CENPP: variants seen among roughly 807,000 people sequenced by gnomAD.
The protein encoded by CENPP is centromere protein P.
In CENPP, 24 loss-of-function variants were observed where a neutral mutation model predicts 35.6. That is an observed-to-expected ratio of 0.67 (90% CI 0.49 to 0.95). CENPP has a LOEUF of 0.95. Ranked by LOEUF, CENPP falls within the 40% of genes least tolerant of loss-of-function variation. The pLI is 0.00. For synonymous variants in CENPP, 120 were observed against 125.5 expected, an observed-to-expected ratio of 0.96 and a Z score of 0.29; for missense variants, 332 against 345.3, an observed-to-expected ratio of 0.96 and a Z score of 0.31.
At chr9:92,451,102 T>G (rs1844695355) in intron 5 of CENPP, among the ~76,000 whole-genome samples, 1 of 148,448 alleles carries the variant, frequency 6.7e-6, no homozygotes, top group Non-Finnish European at 1.5e-5. Flanking sequence ...TTAGTTTAAT[T>G]AGATCCCATT....
chr9:92,494,045 C>T (rs1386008030), intron 5 of CENPP: 1 of 1,591,854 alleles, frequency 6.3e-7, no homozygotes, highest in South Asian at 1.1e-5. Flanking sequence ...ACAGCACTTG[C>T]CTGCTTACTT....
chr9:92,431,719 C>T (rs1047561580), intron 5 of CENPP, among the ~76,000 whole-genome samples: 30 of 152,030 alleles, frequency 2.0e-4, no homozygotes, highest in African/African-American at 6.5e-4. Flanking sequence ...GGATTACAGG[C>T]GCCTGCCACC....
intron 5 of CENPP, among the ~76,000 whole-genome samples, chr9:92,397,735 G>A (rs937999507): frequency 1.3e-5 from 2 of 152,212 alleles, no homozygotes; most frequent in Non-Finnish European, 2.9e-5. Context: ...TTTCAGCAGA[G>A]AGAGCTAGGA....
chr9:92,465,884 G>A (rs1392981590), intron 5 of CENPP, among the ~76,000 whole-genome samples: 1 of 151,200 alleles, frequency 6.6e-6, no homozygotes, highest in African/African-American at 2.4e-5. Flanking sequence ...CCAGGCTGGA[G>A]TGCAGTGGCG....
intron 5 of CENPP, among the ~76,000 whole-genome samples, chr9:92,412,765 C>T (rs941152731): frequency 8.5e-5 from 13 of 152,078 alleles, no homozygotes; most frequent in African/African-American, 2.4e-4. Context: ...TGGACATTTG[C>T]GTGGTTTCTA....
intron 5 of CENPP, among the ~76,000 whole-genome samples, chr9:92,576,009 T>A (rs1850274151): frequency 6.6e-6 from 1 of 152,192 alleles, no homozygotes; most frequent in Non-Finnish European, 1.5e-5. Flanking sequence ...CTGAGGTACA[T>A]GCCAGAATAA....
chr9:92,380,735 A>C (rs1464621229), intron 5 of CENPP, among the ~76,000 whole-genome samples: 3 of 152,296 alleles, frequency 2.0e-5, no homozygotes, highest in East Asian at 3.9e-4. Flanking sequence ...AGAAAAATTA[A>C]ATATTTCTGC....
intron 5 of CENPP, among the ~76,000 whole-genome samples, chr9:92,552,759 A>G (rs1228528230): frequency 6.6e-6 from 1 of 152,074 alleles, no homozygotes; most frequent in Non-Finnish European, 1.5e-5. Context: ...TCAGATGTAT[A>G]GATTGTGAGG....
At chr9:92,542,483 AT>A (rs1459411118) in intron 5 of CENPP, among the ~76,000 whole-genome samples, 2 of 147,064 alleles carry the variant, frequency 1.4e-5, no homozygotes, top group African/African-American at 5.1e-5. Context: ...ATCATGGAGC[AT>A]TTCCCCTATG....
At chr9:92,502,604 A>C in intron 5 of CENPP, 1 of 1,606,084 alleles carries the variant, frequency 6.2e-7, no homozygotes, top group Non-Finnish European at 8.5e-7. Flanking sequence ...GTATGATTGA[A>C]ACAAATTTCA....
At chr9:92,463,241 T>G (rs1034113030) in intron 5 of CENPP, among the ~76,000 whole-genome samples, 2 of 152,366 alleles carry the variant, frequency 1.3e-5, no homozygotes, top group African/African-American at 4.8e-5. Context: ...TTGTTGGGTC[T>G]GGTAAGGACC....
At chr9:92,418,027 C>T (rs1843670660) in intron 5 of CENPP, among the ~76,000 whole-genome samples, 1 of 151,878 alleles carries the variant, frequency 6.6e-6, no homozygotes, top group South Asian at 2.1e-4. Context: ...CACGCCTGGC[C>T]TCAAACCAAA....
intron 5 of CENPP, among the ~76,000 whole-genome samples, chr9:92,453,854 T>C (rs939700137): frequency 6.6e-6 from 1 of 152,108 alleles, no homozygotes; most frequent in African/African-American, 2.4e-5. Context: ...GTGTGGTGGC[T>C]CACGCCTGTA....
intron 5 of CENPP, among the ~76,000 whole-genome samples, chr9:92,390,840 C>A (rs936956410): frequency 6.6e-6 from 1 of 152,190 alleles, no homozygotes; most frequent in African/African-American, 2.4e-5. Context: ...ATTGTTGAAT[C>A]ATTAATATTG....
intron 5 of CENPP, among the ~76,000 whole-genome samples, chr9:92,499,006 T>C (rs1371867264): frequency 6.6e-6 from 1 of 152,210 alleles, no homozygotes; most frequent in Non-Finnish European, 1.5e-5. Context: ...TCGTTCCCAC[T>C]TGGGGCTTCT....
intron 5 of CENPP, among the ~76,000 whole-genome samples, chr9:92,390,592 G>A (rs925555485): frequency 5.3e-5 from 8 of 152,076 alleles, no homozygotes; most frequent in African/African-American, 1.2e-4. Flanking sequence ...GTGTGTGCGC[G>A]CGCGCGTACT....
At chr9:92,492,465 GTTTC>G (rs554818435) in intron 5 of CENPP, among the ~76,000 whole-genome samples, 128 of 152,308 alleles carry the variant, frequency 8.4e-4, no homozygotes, top group African/African-American at 2.8e-3. Flanking sequence ...ATTGTGGGTA[GTTTC>G]TTTGTGTTTT....
chr9:92,489,340 C>T (rs1175285696), intron 5 of CENPP, among the ~76,000 whole-genome samples: 1 of 152,202 alleles, frequency 6.6e-6, no homozygotes, highest in East Asian at 1.9e-4. Context: ...AAGGAACAAA[C>T]TTGCTAGGGA....
intron 5 of CENPP, among the ~76,000 whole-genome samples, chr9:92,544,471 G>A (rs778288468): frequency 3.3e-5 from 5 of 151,922 alleles, no homozygotes; most frequent in Non-Finnish European, 5.9e-5. Context: ...GCAAGACTCC[G>A]TCTCAAAAAA....
Sources: allele counts gnomAD v4.1 joint callset (sites outside exome capture counted in the v4.1 genomes callset), GRCh38; gene constraint gnomAD v4.1.1; transcripts MANE v1.5; gene names NCBI Gene and HGNC (gene_info 2026-07-23, HGNC 2026-07-21).